NDUFB11: variants seen among roughly 807,000 people sequenced by gnomAD.
NDUFB11 encodes NADH dehydrogenase [ubiquinone] 1 beta subcomplex subunit 11, mitochondrial.
For synonymous variants in NDUFB11, 51 were observed against 57.4 expected (o/e 0.89, Z 0.51); for missense variants, 108 against 133.8 (o/e 0.81, Z 0.95).
In NDUFB11 at chrX:47,143,956, T is replaced by A. The variant is rs185150845; in HGVS notation, c.207+517A>T. Among the ~76,000 whole-genome samples, 57 of 110,276 alleles carry A rather than the reference T, an allele frequency of 5.2e-4. 1 individual carries two copies. Among genetic ancestry groups the A allele is most frequent in the Non-Finnish European group, 2.3e-4 (12 of 52,705 alleles). ...TAATAGAGCCCACCTCGAAATGGGG[T>A]TTGTTTCGAGTATAAGATGAGCTAA... On this transcript the variant is annotated intron_variant, in intron 1 of 2. Transcript: ENST00000377811.
In NDUFB11 at chrX:47,142,387, G is replaced by A. The variant is rs1602470920; in HGVS notation, c.392C>T (p.Ala131Val). Residue 131 changes from alanine (A) to valine (V), a missense_variant, in exon 3 of 3, where the codon GCC becomes GTC. Ala to Val is a moderately conservative substitution (Grantham distance 64, BLOSUM62 0). Coordinates refer to ENST00000377811, the MANE Select transcript of NDUFB11 (RefSeq NM_001135998.3). ...EAERLVKYREANGLPIMESNC... is the reference protein window; with the variant it reads ...EAERLVKYREVNGLPIMESNC... The stretch of plus-strand genomic sequence containing the variant: ...GGATTCCATGATGGGAAGGCCATTG[G>A]CCTCTCGGTATTTCACAAGCCTCTC... 1.7e-6 allele frequency: 2 copies of A among 1,211,560 alleles called. No homozygotes were observed.
intron 1 of NDUFB11, 75 bp downstream of exon 1, chrX:47,144,398 C>T (rs1169917431): frequency 2.6e-6 from 2 of 769,767 alleles, no homozygotes; most frequent in East Asian, 8.5e-5. Context: ...CTCTACAGCG[C>T]CCCATCTGCC....
intron 1 of NDUFB11, among the ~76,000 whole-genome samples, 162 bp from the exon 2 acceptor site, chrX:47,142,906 G>C (rs1556760723): frequency 8.9e-6 from 1 of 112,027 alleles, no homozygotes; most frequent in Non-Finnish European, 1.9e-5. Flanking sequence ...TGCACTTGCT[G>C]CTCTCTCTGC....
chrX:47,144,130 A>T (rs1228269792), intron 1 of NDUFB11, among the ~76,000 whole-genome samples: 4 of 102,742 alleles, frequency 3.9e-5, no homozygotes, highest in African/African-American at 1.4e-4. Flanking sequence ...CGTCCCTATA[A>T]AAAAAAAAAA....
At position 47,144,612 on chromosome X, in the gene NDUFB11, G is replaced by C. The variant is rs782428468; in HGVS notation, c.68C>G (p.Pro23Arg). ...LLAAAATRGLPAARVRWESSF... is the reference protein window; with the variant it reads ...LLAAAATRGLRAARVRWESSF... ...AGATTCCCAGCGGACGCGGGCGGCC[G>C]GGAGCCCTCGCGTCGCCGCTGCCGC... Residue 23 changes from proline to arginine, a missense_variant, in exon 1 of 3, where the codon CCG (proline) becomes CGG (arginine). Physicochemically the swap from Pro to Arg is moderately radical, Grantham distance 103. Transcript: ENST00000377811. 8.4e-7 allele frequency: 1 copy of C among 1,197,404 alleles called. No individual in the cohort carries two copies. The highest frequency in any genetic ancestry group is 1.1e-6 in the Non-Finnish European group (1 of 889,077).
chrX:47,142,593 G>A lies in NDUFB11; in HGVS notation c.338+21C>T, dbSNP rs371538526. 61 of 1,209,069 alleles carry A rather than the reference G, an allele frequency of 5.0e-5. No individual in the cohort carries two copies. The highest frequency in any genetic ancestry group is 5.9e-5 in the Non-Finnish European group (53 of 894,866). On this transcript the variant is annotated intron_variant, in intron 2 of 2. Coordinates refer to ENST00000377811, the MANE Select transcript of NDUFB11 (RefSeq NM_001135998.3). Reference sequence around the variant, plus strand: ...TGCCTCTGCCTCTTACCCATCCCACGCTCTTGGACACCCTGTGCACCTGTA... The same window carrying A: ...TGCCTCTGCCTCTTACCCATCCCACACTCTTGGACACCCTGTGCACCTGTA...
upstream of NDUFB11, chrX:47,145,291 G>A (rs1932010475): frequency 1.7e-6 from 1 of 585,117 alleles, no homozygotes; most frequent in Middle Eastern, 4.4e-4. Context: ...GACTGTGGCC[G>A]GCTGGGAGTA....
rs199837826 is a variant in NDUFB11 at position 47,142,364 on chromosome X, A to C, written c.415T>G (p.Ser139Ala). 5 of 1,209,551 alleles carry C rather than the reference A, an allele frequency of 4.1e-6. No homozygotes were observed. Among genetic ancestry groups the C allele is most frequent in the Non-Finnish European group, 5.6e-6 (5 of 895,099 alleles). The stretch of plus-strand genomic sequence containing the variant: ...ATCTTGCTGGGGTCGAAGCAGTTGG[A>C]TTCCATGATGGGAAGGCCATTGGCC... ...REANGLPIMESNCFDPSKIQL... is the reference protein window; with the variant it reads ...REANGLPIMEANCFDPSKIQL... Residue 139 changes from serine (S) to alanine (A), a missense_variant, in exon 3 of 3, where the codon TCC (serine) becomes GCC (alanine). Physicochemically the swap from Ser to Ala is moderately conservative, Grantham distance 99 (BLOSUM62 1). Coordinates refer to ENST00000377811, the MANE Select transcript of NDUFB11 (RefSeq NM_001135998.3).
At chrX:47,144,839 C>G, upstream of NDUFB11, 1 of 496,414 alleles carries the variant, frequency 2.0e-6, no homozygotes, top group South Asian at 4.4e-5. Context: ...GAGCAACCCT[C>G]TTTGCCTCCA....
chrX:47,145,183 G>A (rs928177383), upstream of NDUFB11: 12 of 428,006 alleles, frequency 2.8e-5, no homozygotes, highest in Non-Finnish European at 4.5e-5. Context: ...CTAGCGGGCG[G>A]TGACCAATCG....
chrX:47,144,762 T>C (rs1931972215), upstream of NDUFB11: 1 of 885,952 alleles, frequency 1.1e-6, no homozygotes, highest in Non-Finnish European at 1.5e-6. Context: ...GCGACAATCA[T>C]CGCCCCGCCT....
intron 1 of NDUFB11, among the ~76,000 whole-genome samples, chrX:47,143,703 A>C (rs1350847792): frequency 8.9e-6 from 1 of 112,069 alleles, no homozygotes; most frequent in East Asian, 2.8e-4. Flanking sequence ...CCCATCTTAC[A>C]GACAAAGAAA....
chrX:47,145,119 G>T, upstream of NDUFB11: 1 of 347,165 alleles, frequency 2.9e-6, no homozygotes, highest in Non-Finnish European at 5.0e-6. Flanking sequence ...GCGTTCGCAA[G>T]GGGTGTGGGG....
At chrX:47,144,378 T>C (rs1569162128) in intron 1 of NDUFB11, 95 bp downstream of exon 1, 1 of 691,504 alleles carries the variant, frequency 1.4e-6, no homozygotes, top group Non-Finnish European at 2.0e-6. Flanking sequence ...CTCTACTGCC[T>C]AAGAACGTCC....
upstream of NDUFB11, chrX:47,145,403 G>T (rs1556761591): frequency 8.8e-7 from 1 of 1,140,225 alleles, no homozygotes. Context: ...CTCCGGCTCC[G>T]GCTGAGCTGG....
rs1556761295 is a variant in NDUFB11 at position 47,144,644 on chromosome X, ACGG to A, written c.33_35del (p.Arg12del). On this transcript the variant is annotated inframe_deletion, in exon 1 of 3. Coordinates refer to ENST00000377811, the MANE Select transcript of NDUFB11 (RefSeq NM_001135998.3). ...CTCGCGTCGCCGCTGCCGCCAAAAG[ACGG>A]CGAGCGCTCAAACCAAACAGCCCAG... is the stretch of plus-strand genomic sequence containing the variant. 4.0e-5 allele frequency: 47 copies of A among 1,178,682 alleles called. No homozygotes were observed. Among genetic ancestry groups the A allele is most frequent in the Non-Finnish European group, 5.0e-5 (44 of 879,914 alleles).
chrX:47,144,444 C>A, intron 1 of NDUFB11, 29 bp downstream of exon 1: 4 of 295,965 alleles, frequency 1.4e-5, no homozygotes, highest in Non-Finnish European at 1.4e-5. Context: ...TCCGTCCCCA[C>A]TACCCCCCCC....
In NDUFB11 at chrX:47,142,273, G is replaced by C. The variant is rs781894056; in HGVS notation, c.*44C>G. 122 of 1,188,048 alleles carry C rather than the reference G, an allele frequency of 1.0e-4. No homozygotes were observed. In the East Asian group the frequency reaches 3.7e-3, roughly 36 times the overall value. On this transcript the variant is annotated 3_prime_UTR_variant, in exon 3 of 3. Transcript: ENST00000377811. ...GAGAAGAGGTCAGAATGGCAGGCAG[G>C]GGGTGGGGAAGGCGGTGCTTCTTGA...
intron 1 of NDUFB11, among the ~76,000 whole-genome samples, chrX:47,143,760 C>T (rs1196614939): frequency 2.7e-5 from 3 of 111,906 alleles, no homozygotes; most frequent in African/African-American, 9.8e-5. Context: ...GGGTGGGTAA[C>T]CGTCAGTGCT....
Sources: allele counts gnomAD v4.1 joint callset (sites outside exome capture counted in the v4.1 genomes callset), GRCh38; gene constraint gnomAD v4.1.1; transcripts MANE v1.5; gene names NCBI Gene and HGNC (gene_info 2026-07-23, HGNC 2026-07-21).